ATP6V1A: variants seen among roughly 807,000 people sequenced by gnomAD.
ATP6V1A encodes the protein ATPase H+ transporting V1 subunit A.
ATP6V1A carries 18 observed loss-of-function variants against 70.1 expected under a neutral mutation model. That is an observed-to-expected ratio of 0.26 (90% CI 0.18 to 0.38). The LOEUF (loss-of-function observed/expected upper bound fraction) is 0.38, where lower values mean the gene tolerates loss of function less well. Among genes scored for constraint, ATP6V1A ranks in the 10% least tolerant of loss-of-function variants. ATP6V1A has a pLI of 1.00. For synonymous variants in ATP6V1A, 232 were observed against 253.8 expected (o/e 0.91, Z 0.82); for missense variants, 424 against 772.4 (o/e 0.55, Z 5.35).
intron 1 of ATP6V1A, among the ~76,000 whole-genome samples, chr3:113,762,397 T>A (rs1214904557): frequency 6.6e-6 from 1 of 152,036 alleles, no homozygotes; most frequent in Admixed American, 6.6e-5. Flanking sequence ...GGAGAAACCC[T>A]GTCTCCACTA....
At chr3:113,783,801 G>A (rs1256988550) in intron 3 of ATP6V1A, among the ~76,000 whole-genome samples, 1 of 152,178 alleles carries the variant, frequency 6.6e-6, no homozygotes, top group African/African-American at 2.4e-5. Context: ...AGCTACAAAA[G>A]CAGGTATCAT....
At chr3:113,757,301 G>C (rs1361978537) in intron 1 of ATP6V1A, among the ~76,000 whole-genome samples, 1 of 152,156 alleles carries the variant, frequency 6.6e-6, no homozygotes, top group Admixed American at 6.5e-5. Flanking sequence ...GAAAGTAGCT[G>C]TAAATAGAGA....
chr3:113,785,413 C>T (rs1377515589), intron 5 of ATP6V1A, among the ~76,000 whole-genome samples: 1 of 151,474 alleles, frequency 6.6e-6, no homozygotes, highest in African/African-American at 2.4e-5. Context: ...GCACTCCAGC[C>T]TGGGTGACAG....
At chr3:113,750,811 T>C (rs144321386) in intron 1 of ATP6V1A, among the ~76,000 whole-genome samples, 2 of 152,328 alleles carry the variant, frequency 1.3e-5, no homozygotes, top group African/African-American at 2.4e-5. Context: ...ACCCACAGAA[T>C]TGACTGATGT....
intron 11 of ATP6V1A, 24 bp from the exon 12 acceptor site, chr3:113,798,219 T>A (rs766033101): frequency 6.2e-7 from 1 of 1,607,636 alleles, no homozygotes; most frequent in South Asian, 1.1e-5. Context: ...TTACTGTTTT[T>A]GTGTGTGTGT....
chr3:113,803,367 C>A, intron 12 of ATP6V1A: 1 of 515,364 alleles, frequency 1.9e-6, no homozygotes, highest in East Asian at 3.3e-5. Flanking sequence ...AACACTGTTA[C>A]ACTGTATAAT....
chr3:113,796,212 A>G (rs1440459981), intron 11 of ATP6V1A, among the ~76,000 whole-genome samples: 1 of 152,216 alleles, frequency 6.6e-6, no homozygotes, highest in Non-Finnish European at 1.5e-5. Context: ...TTAGAGTAGT[A>G]TTATCCTTTA....
intron 1 of ATP6V1A, among the ~76,000 whole-genome samples, chr3:113,775,751 A>G (rs1185744476): frequency 1.3e-5 from 2 of 152,194 alleles, no homozygotes; most frequent in Admixed American, 6.5e-5. Flanking sequence ...CATGAATGCT[A>G]TAGAGGAAAT....
chr3:113,752,834 A>G (rs142276702), intron 1 of ATP6V1A, among the ~76,000 whole-genome samples: 5 of 152,276 alleles, frequency 3.3e-5, no homozygotes, highest in Non-Finnish European at 7.4e-5. Flanking sequence ...ACATTGCAAC[A>G]GATGCAAAAA....
At chr3:113,747,941 A>G (rs1291165251) in intron 1 of ATP6V1A, among the ~76,000 whole-genome samples, 1 of 152,174 alleles carries the variant, frequency 6.6e-6, no homozygotes, top group Non-Finnish European at 1.5e-5. Flanking sequence ...GTTAAACCAA[A>G]TTGATTTGGC....
At chr3:113,753,272 A>C (rs1708609224) in intron 1 of ATP6V1A, among the ~76,000 whole-genome samples, 1 of 152,228 alleles carries the variant, frequency 6.6e-6, no homozygotes, top group African/African-American at 2.4e-5. Flanking sequence ...TGACAAGCAA[A>C]AATTAAGTGG....
At chr3:113,759,464 A>G (rs185786404) in intron 1 of ATP6V1A, among the ~76,000 whole-genome samples, 264 of 152,060 alleles carry the variant, frequency 1.7e-3, no homozygotes, top group Admixed American at 2.9e-3. Flanking sequence ...AAATAATAAT[A>G]CTAGGCAGAT....
intron 1 of ATP6V1A, among the ~76,000 whole-genome samples, chr3:113,754,730 A>C (rs1388171743): frequency 1.3e-5 from 2 of 152,194 alleles, no homozygotes; most frequent in African/African-American, 4.8e-5. Flanking sequence ...GAATCATAAG[A>C]AAAGTCCCTA....
At chr3:113,764,501 C>T (rs1355982131) in intron 1 of ATP6V1A, among the ~76,000 whole-genome samples, 4 of 152,108 alleles carry the variant, frequency 2.6e-5, no homozygotes, top group Non-Finnish European at 4.4e-5. Context: ...TGAGATCTTT[C>T]ATTAGGTATT....
At position 113,781,165 on chromosome 3, in the gene ATP6V1A, G is replaced by A. The variant is rs776436157; in HGVS notation, c.198G>A (p.Val66=). 3 of 1,607,880 alleles carry A rather than the reference G, an allele frequency of 1.9e-6. No individual in the cohort carries two copies. The highest frequency in any genetic ancestry group is 1.7e-4 in the Middle Eastern group (1 of 6,032). Residue 66 remains valine (V), a synonymous_variant, in exon 3 of 15, where the codon GTG becomes GTA. Coordinates refer to ENST00000273398, the MANE Select transcript of ATP6V1A (RefSeq NM_001690.4). ...RLEGDMATIQ[V]YEETSGVSVG... is the part of the protein sequence containing the mutation. ...AGGGTGACATGGCTACTATTCAGGT[G>A]TATGAAGAAACTTGTATCCTTTTTG...
At chr3:113,797,967 T>G (rs2108040388) in intron 11 of ATP6V1A, among the ~76,000 whole-genome samples, 1 of 152,164 alleles carries the variant, frequency 6.6e-6, no homozygotes. Flanking sequence ...ACCCCATCTC[T>G]ACTAAAAGTA....
At chr3:113,761,231 C>T (rs920520523) in intron 1 of ATP6V1A, among the ~76,000 whole-genome samples, 4 of 151,876 alleles carry the variant, frequency 2.6e-5, no homozygotes, top group Admixed American at 6.6e-5. Context: ...CATGAGCCAC[C>T]GTACCTAGAC....
chr3:113,764,750 C>T (rs991387737), intron 1 of ATP6V1A, among the ~76,000 whole-genome samples: 11 of 151,956 alleles, frequency 7.2e-5, no homozygotes, highest in Non-Finnish European at 1.0e-4. Flanking sequence ...AATTACTTTT[C>T]CCCCTTCAGT....
At chr3:113,751,984 TTA>T (rs1261759451) in intron 1 of ATP6V1A, among the ~76,000 whole-genome samples, 1 of 151,934 alleles carries the variant, frequency 6.6e-6, no homozygotes, top group African/African-American at 2.4e-5. Context: ...AAACACTTTC[TTA>T]TATCTTAAGG....
Sources: allele counts gnomAD v4.1 joint callset (sites outside exome capture counted in the v4.1 genomes callset), GRCh38; gene constraint gnomAD v4.1.1; transcripts MANE v1.5; gene names NCBI Gene and HGNC (gene_info 2026-07-23, HGNC 2026-07-21).